Variants in NTRK3 observed in about 807,000 individuals in gnomAD.
NTRK3 encodes NT-3 growth factor receptor.
A neutral mutation model predicts 91.7 loss-of-function variants in NTRK3; 24 were observed. That is an observed-to-expected ratio of 0.26 (90% CI 0.19 to 0.37). The LOEUF (loss-of-function observed/expected upper bound fraction) is 0.37. Among genes scored for constraint, NTRK3 ranks in the 10% least tolerant of loss-of-function variants. The pLI, the probability that NTRK3 is intolerant of heterozygous loss-of-function variation, is 1.00. For missense variants in NTRK3, 880 were observed against 1,068.9 expected (o/e 0.82, Z 2.46); for synonymous variants, 483 against 404.0 (o/e 1.20, Z -2.34).
chr15:87,930,567 G>T lies in NTRK3; in HGVS notation c.1890-1133C>A, dbSNP rs557086186. Among the ~76,000 whole-genome samples the T allele has an allele frequency of 3.9e-5, 6 of 152,208 alleles. 1 individual carries two copies. The South Asian group carries it at 1.2e-3, about 32-fold the overall frequency. ...GAGAAGCCCTCCCTTCTGTCTGCCT[G>T]GAGAGTGCACTCCAGCCTGCCTCTC... is the stretch of plus-strand genomic sequence containing the variant. On this transcript the variant is annotated intron_variant, in intron 16 of 18. Transcript: ENST00000394480.
chr15:88,112,908 C>G (rs1239549482), intron 13 of NTRK3, among the ~76,000 whole-genome samples: 1 of 152,152 alleles, frequency 6.6e-6, no homozygotes, highest in East Asian at 1.9e-4. Flanking sequence ...ACAGAGTTAC[C>G]CCAGGATCTG....
chr15:88,176,082 G>C (rs1445675751), intron 5 of NTRK3, among the ~76,000 whole-genome samples: 1 of 149,598 alleles, frequency 6.7e-6, no homozygotes, highest in Non-Finnish European at 1.5e-5. Flanking sequence ...ATTTATATTT[G>C]TACGTTCCAA....
intron 13 of NTRK3, among the ~76,000 whole-genome samples, chr15:88,121,935 A>G (rs1212986377): frequency 6.6e-6 from 1 of 152,212 alleles, no homozygotes; most frequent in African/African-American, 2.4e-5. Context: ...CCCCAAGCCA[A>G]AATTTTGATC....
At chr15:88,074,730 C>T (rs1377897840) in intron 13 of NTRK3, among the ~76,000 whole-genome samples, 2 of 152,204 alleles carry the variant, frequency 1.3e-5, no homozygotes, top group African/African-American at 2.4e-5. Flanking sequence ...CCCATTTCTA[C>T]CATCAAACTA....
intron 13 of NTRK3, among the ~76,000 whole-genome samples, chr15:88,087,357 C>T (rs1192497879): frequency 3.3e-5 from 5 of 152,256 alleles, no homozygotes; most frequent in East Asian, 3.9e-4. Context: ...GCAGGTCTCT[C>T]GGGAGGGGCT....
chr15:87,951,095 T>G (rs1020271110), intron 14 of NTRK3, among the ~76,000 whole-genome samples: 2 of 152,140 alleles, frequency 1.3e-5, no homozygotes, highest in Non-Finnish European at 2.9e-5. Context: ...TGAGCAACCA[T>G]GTGAGCTCGT....
At chr15:88,203,436 C>T (rs1478616829) in intron 3 of NTRK3, among the ~76,000 whole-genome samples, 1 of 152,158 alleles carries the variant, frequency 6.6e-6, no homozygotes, top group African/African-American at 2.4e-5. Flanking sequence ...GTGTGTCAGT[C>T]TCTGCATTTA....
chr15:87,931,138 A>G (rs1192130756), intron 16 of NTRK3: 2 of 480,590 alleles, frequency 4.2e-6, no homozygotes, highest in East Asian at 5.7e-5. Flanking sequence ...CCCTCCTACT[A>G]TCTTCTTTCT....
At chr15:87,932,428 T>C (rs1414145387) in intron 16 of NTRK3, among the ~76,000 whole-genome samples, 6 of 152,212 alleles carry the variant, frequency 3.9e-5, no homozygotes, top group African/African-American at 9.6e-5. Flanking sequence ...CTTTAATTAA[T>C]GTAAATCTAA....
At chr15:88,062,192 A>G (rs773957534) in intron 13 of NTRK3, among the ~76,000 whole-genome samples, 37 of 152,202 alleles carry the variant, frequency 2.4e-4, no homozygotes, top group Admixed American at 5.9e-4. Flanking sequence ...CATCCGCAGA[A>G]CGGGGAGGTG....
chr15:88,111,729 C>A (rs2051378416), intron 13 of NTRK3, among the ~76,000 whole-genome samples: 1 of 152,130 alleles, frequency 6.6e-6, no homozygotes, highest in Non-Finnish European at 1.5e-5. Context: ...GTCTGTGAAT[C>A]TCAGTTTTCT....
chr15:88,077,521 G>A (rs1306564939), intron 13 of NTRK3, among the ~76,000 whole-genome samples: 2 of 151,818 alleles, frequency 1.3e-5, no homozygotes, highest in African/African-American at 4.8e-5. Context: ...TGAGAAACCC[G>A]GCACTTTGGA....
intron 13 of NTRK3, among the ~76,000 whole-genome samples, chr15:88,049,594 T>C (rs2080603609): frequency 6.6e-6 from 1 of 152,180 alleles, no homozygotes; most frequent in Non-Finnish European, 1.5e-5. Context: ...CTTATCTGAA[T>C]AATGTCAACC....
chr15:88,137,823 C>T (rs1465447022), intron 6 of NTRK3, among the ~76,000 whole-genome samples: 1 of 152,162 alleles, frequency 6.6e-6, no homozygotes, highest in Non-Finnish European at 1.5e-5. Flanking sequence ...GAGGTCAAGA[C>T]AGGTAGATCA....
At chr15:88,223,394 G>A (rs953568013) in intron 3 of NTRK3, among the ~76,000 whole-genome samples, 8 of 152,214 alleles carry the variant, frequency 5.3e-5, no homozygotes, top group South Asian at 2.1e-4. Flanking sequence ...CTGCCCACAC[G>A]CTCAGAGGCA....
intron 14 of NTRK3, among the ~76,000 whole-genome samples, chr15:87,990,340 A>T (rs1465568556): frequency 6.6e-6 from 1 of 152,214 alleles, no homozygotes; most frequent in Admixed American, 6.5e-5. Context: ...TGTGGAGCAC[A>T]TACCGTTCTG....
chr15:87,933,826 G>T (rs1281991955), intron 15 of NTRK3, among the ~76,000 whole-genome samples: 1 of 152,174 alleles, frequency 6.6e-6, no homozygotes, highest in Non-Finnish European at 1.5e-5. Context: ...GGGAATGGCA[G>T]TTAGTGGACA....
chr15:88,151,282 A>G (rs1186612322), intron 5 of NTRK3, among the ~76,000 whole-genome samples: 2 of 152,136 alleles, frequency 1.3e-5, no homozygotes, highest in Non-Finnish European at 2.9e-5. Flanking sequence ...GCCCTCTCAC[A>G]GACCAGACTC....
intron 4 of NTRK3, 55 bp downstream of exon 4, chr15:88,184,170 G>C: frequency 6.4e-7 from 1 of 1,565,714 alleles, no homozygotes; most frequent in Non-Finnish European, 8.8e-7. Flanking sequence ...AGGCAGACCA[G>C]GTGGCATCCA....
Sources: allele counts gnomAD v4.1 joint callset (sites outside exome capture counted in the v4.1 genomes callset), GRCh38; gene constraint gnomAD v4.1.1; transcripts MANE v1.5; gene names NCBI Gene and HGNC (gene_info 2026-07-23, HGNC 2026-07-21).